CHRAC1: variants seen among roughly 807,000 people sequenced by gnomAD.
CHRAC1 encodes chromatin accessibility complex protein 1.
CHRAC1 carries 6 observed loss-of-function variants against 9.1 expected under a neutral mutation model. The ratio of observed to expected loss-of-function variants is 0.66; its 90% CI spans 0.36 to 1.29. The LOEUF is 1.29. CHRAC1 is among the 50% of genes most tolerant of loss of function. The pLI is 0.03. For missense variants in CHRAC1, 168 were observed against 163.5 expected, an observed-to-expected ratio of 1.03 and a Z score of -0.15; for synonymous variants, 73 against 64.5, an observed-to-expected ratio of 1.13 and a Z score of -0.63.
chr8:140,514,455 A>G lies in CHRAC1; in HGVS notation c.234A>G (p.Ala78=). ...AAGTACTGACTTACAGTGATTTAGC[A>G]AACACTGCACAGCAATCAGAAACTT... The part of the protein sequence containing the change: ...EKKVLTYSDL[A]NTAQQSETFQ... Residue 78 remains alanine, a synonymous_variant, in exon 2 of 3, where the codon GCA becomes GCG. Coordinates refer to ENST00000220913, the MANE Select transcript of CHRAC1 (RefSeq NM_017444.6). The G allele has an allele frequency of 6.3e-7, 1 of 1,579,070 alleles. No individual in the cohort carries two copies. Among genetic ancestry groups the G allele is most frequent in the Non-Finnish European group, 8.5e-7 (1 of 1,170,230 alleles).
chr8:140,513,302 G>C (rs1051901641), intron 1 of CHRAC1, among the ~76,000 whole-genome samples: 2 of 152,230 alleles, frequency 1.3e-5, no homozygotes, highest in African/African-American at 4.8e-5. Flanking sequence ...GAATAGAAAA[G>C]TTTTGGCAAA....
chr8:140,512,133 C>T lies in CHRAC1; in HGVS notation c.147+487C>T, dbSNP rs115878356. On this transcript the variant is annotated intron_variant, in intron 1 of 2. Transcript: ENST00000220913. ...CCGGCCCTACCCGTGGGCGTCGGCG[C>T]CTAGTGGCGCTCTTCTCATTTGGGT... 3.6e-3 allele frequency: 2,496 copies of T among 689,980 alleles called. 56 individuals are homozygous for T. In the African/African-American group the frequency reaches 0.041, roughly 11 times the overall value. 42.7% of individuals were successfully genotyped at this position (689,980 alleles called of 1,614,324 possible). A position where few individuals can be genotyped will look rare whatever the true frequency, so the allele number is the denominator to read the frequency against.
chr8:140,515,186 G>C lies in CHRAC1; in HGVS notation c.335G>C (p.Arg112Thr). The C allele has an allele frequency of 6.2e-7, 1 of 1,613,536 alleles. No homozygotes were observed. Among genetic ancestry groups the C allele is most frequent in the African/African-American group, 1.3e-5 (1 of 75,040 alleles). ...KYLKMLKEEK[R>T]EEDEENDNDN... ...CTGAAAATGCTTAAAGAGGAAAAGA[G>C]GGAAGAAGATGAGGAGAATGACAAT... The change falls in exon 3 of 3, where the codon AGG becomes ACG. Residue 112 changes from arginine to threonine, a missense_variant. Physicochemically the swap from Arg to Thr is moderately conservative, Grantham distance 71 (BLOSUM62 -1). Coordinates refer to ENST00000220913, the MANE Select transcript of CHRAC1 (RefSeq NM_017444.6).
Position 140,516,739 on chromosome 8 carries a change from C to G in CHRAC1, c.*1492C>G, listed in dbSNP as rs1251517852. On this transcript the variant is annotated 3_prime_UTR_variant, in exon 3 of 3. Coordinates refer to ENST00000220913, the MANE Select transcript of CHRAC1 (RefSeq NM_017444.6). ...AGTTCTGAGTTTTGGCAAATGCAGT[C>G]AAGTCACTACCACCACCACAATTAA... 1.3e-5 allele frequency: 2 copies of G among 152,160 alleles called. No homozygotes were observed. The highest frequency in any genetic ancestry group is 3.9e-4 in the East Asian group (2 of 5,194). 9.4% of individuals were successfully genotyped at this position (152,160 alleles called of 1,614,324 possible).
rs755791633 is a variant in CHRAC1 at position 140,511,958 on chromosome 8, G to C, written c.147+312G>C. 3.4e-4 allele frequency: 443 copies of C among 1,288,178 alleles called. 2 individuals carry two copies. The highest frequency in any genetic ancestry group is 1.0e-3 in the East Asian group (19 of 18,404). The allele number at this position is 1,288,178 out of a possible 1,614,324, so 79.8% of individuals were successfully genotyped here. A position where few individuals can be genotyped will look rare whatever the true frequency, so the allele number is the denominator to read the frequency against. ...CGCTCCGCCCGCCCCTTCCTTCCGT[G>C]CGCACCTTCGCCCCGCCCACCCCAC... On this transcript the variant is annotated intron_variant, in intron 1 of 2. Coordinates refer to ENST00000220913, the MANE Select transcript of CHRAC1 (RefSeq NM_017444.6).
chr8:140,515,094 C>A, intron 2 of CHRAC1, 32 bp from the exon 3 acceptor site: 2 of 1,602,314 alleles, frequency 1.2e-6, no homozygotes, highest in Non-Finnish European at 1.7e-6. Context: ...TCTACCATAA[C>A]CAATTGCTGA....
At chr8:140,512,013 A>T in intron 1 of CHRAC1, 1 of 1,265,148 alleles carries the variant, frequency 7.9e-7, no homozygotes, top group Non-Finnish European at 1.0e-6. Context: ...TCGCGCTTCC[A>T]TTCGGCAAAC....
Position 140,514,454 on chromosome 8 carries a change from C to G in CHRAC1, c.233C>G (p.Ala78Gly). 6.3e-7 allele frequency: 1 copy of G among 1,577,332 alleles called. No homozygotes were observed. Among genetic ancestry groups the G allele is most frequent in the Non-Finnish European group, 8.6e-7 (1 of 1,169,058 alleles). ...EKKVLTYSDL[A>G]NTAQQSETFQ... ...AAAGTACTGACTTACAGTGATTTAG[C>G]AAACACTGCACAGCAATCAGAAACT... is the stretch of plus-strand genomic sequence containing the variant. The change falls in exon 2 of 3, where the codon GCA (alanine) becomes GGA (glycine). Residue 78 changes from alanine to glycine, a missense_variant. Physicochemically the swap from Ala to Gly is moderately conservative, Grantham distance 60. Transcript: ENST00000220913.
chr8:140,512,130 G>T (rs2072283280), intron 1 of CHRAC1: 1 of 687,718 alleles, frequency 1.5e-6, no homozygotes, highest in Admixed American at 3.0e-5. Context: ...GTGGGCGTCG[G>T]CGCCTAGTGG....
intron 1 of CHRAC1, among the ~76,000 whole-genome samples, chr8:140,512,936 C>T (rs1364610694): frequency 6.6e-6 from 1 of 152,198 alleles, no homozygotes; most frequent in Non-Finnish European, 1.5e-5. Flanking sequence ...CCTGCCTCAG[C>T]CTCCTGAGTA....
In CHRAC1 at chr8:140,511,358, C is replaced by A; in HGVS notation, c.-142C>A. On this transcript the variant is annotated 5_prime_UTR_variant, in exon 1 of 3. Coordinates refer to ENST00000220913, the MANE Select transcript of CHRAC1 (RefSeq NM_017444.6). The stretch of plus-strand genomic sequence containing the variant: ...CGTAGTTTCCCGGACGGGCCGCTCC[C>A]GGCCTCGCGGCCTCGCCTCCCCACA... 2 of 692,626 alleles carry A rather than the reference C, an allele frequency of 2.9e-6. No homozygotes were observed. Among genetic ancestry groups the A allele is most frequent in the Non-Finnish European group, 4.1e-6 (2 of 491,988 alleles). 42.9% of individuals were successfully genotyped at this position (692,626 alleles called of 1,614,324 possible).
In CHRAC1 at chr8:140,516,442, T is replaced by G. The variant is rs978395285; in HGVS notation, c.*1195T>G. ...CCGGGATTACAGGCGTGAGCCACCA[T>G]GCCTGGCCTTCATTATCTCTTTTTT... is the stretch of plus-strand genomic sequence containing the variant. On this transcript the variant is annotated 3_prime_UTR_variant, in exon 3 of 3. Coordinates refer to ENST00000220913, the MANE Select transcript of CHRAC1 (RefSeq NM_017444.6). The G allele has an allele frequency of 2.0e-5, 3 of 152,220 alleles. No individual in the cohort carries two copies. The highest frequency in any genetic ancestry group is 7.2e-5 in the African/African-American group (3 of 41,462). 9.4% of individuals were successfully genotyped at this position (152,220 alleles called of 1,614,324 possible).
chr8:140,512,066 A>C, intron 1 of CHRAC1: 3 of 1,254,484 alleles, frequency 2.4e-6, no homozygotes, highest in Non-Finnish European at 2.1e-6. Flanking sequence ...CGTCCCTCCC[A>C]CCTGTGCGCT....
chr8:140,514,891 G>C, intron 2 of CHRAC1: 1 of 424,072 alleles, frequency 2.4e-6, no homozygotes, highest in South Asian at 3.1e-5. Flanking sequence ...GCTCATAAAA[G>C]CAGCTCATAG....
chr8:140,511,333 C>T lies in CHRAC1; in HGVS notation c.-167C>T. On this transcript the variant is annotated 5_prime_UTR_variant, in exon 1 of 3. Transcript: ENST00000220913. ...CGGGGGCGCGAGGCCTCACGGAGCT[C>T]GTAGTTTCCCGGACGGGCCGCTCCC... The T allele has an allele frequency of 2.1e-6, 1 of 474,244 alleles. No homozygotes were observed. Among genetic ancestry groups the T allele is most frequent in the Non-Finnish European group, 3.4e-6 (1 of 298,404 alleles). 29.4% of individuals were successfully genotyped at this position (474,244 alleles called of 1,614,324 possible). A position where few individuals can be genotyped will look rare whatever the true frequency, so the allele number is the denominator to read the frequency against.
Position 140,516,273 on chromosome 8 carries a change from G to C in CHRAC1, c.*1026G>C, listed in dbSNP as rs2072336615. 1 of 151,856 alleles carries C rather than the reference G, an allele frequency of 6.6e-6. No individual in the cohort carries two copies. The highest frequency in any genetic ancestry group is 1.5e-5 in the Non-Finnish European group (1 of 68,042). The allele number at this position is 151,856 out of a possible 1,614,324, so 9.4% of individuals were successfully genotyped here. A position where few individuals can be genotyped will look rare whatever the true frequency, so the allele number is the denominator to read the frequency against. ...AGTGATTCTCCTGCCTCATCCTCCT[G>C]AGTAGCTGGGATTACAGGCGTGTGC... On this transcript the variant is annotated 3_prime_UTR_variant, in exon 3 of 3. Coordinates refer to ENST00000220913, the MANE Select transcript of CHRAC1 (RefSeq NM_017444.6).
intron 2 of CHRAC1, 92 bp from the exon 3 acceptor site, chr8:140,515,034 G>A: frequency 5.5e-6 from 7 of 1,271,972 alleles, no homozygotes; most frequent in Non-Finnish European, 7.8e-6. Context: ...TCTTATAGAG[G>A]TCAAAGCAGG....
At chr8:140,512,978 G>A (rs2072295937) in intron 1 of CHRAC1, among the ~76,000 whole-genome samples, 1 of 152,006 alleles carries the variant, frequency 6.6e-6, no homozygotes, top group South Asian at 2.1e-4. Context: ...CATCACACTC[G>A]GCTAATTTTT....
chr8:140,512,830 C>T (rs1424206848), intron 1 of CHRAC1, among the ~76,000 whole-genome samples: 1 of 152,130 alleles, frequency 6.6e-6, no homozygotes, highest in Non-Finnish European at 1.5e-5. Context: ...ACTTCTGACC[C>T]GTTATTTTAT....
Sources: allele counts gnomAD v4.1 joint callset (sites outside exome capture counted in the v4.1 genomes callset), GRCh38; gene constraint gnomAD v4.1.1; transcripts MANE v1.5; gene names NCBI Gene and HGNC (gene_info 2026-07-23, HGNC 2026-07-21).